The following SLCO5A1 variants were observed in gnomAD, a reference collection of about 807,000 sequenced individuals.
SLCO5A1 encodes the protein solute carrier organic anion transporter family member 5A1.
In SLCO5A1, 39 loss-of-function variants were observed where a neutral mutation model predicts 65.1. That is an observed-to-expected ratio of 0.60 (90% CI 0.46 to 0.78). The LOEUF (loss-of-function observed/expected upper bound fraction) is 0.78. SLCO5A1 is among the 30% of genes least tolerant of loss of function. The pLI, the probability that SLCO5A1 is intolerant of heterozygous loss-of-function variation, is 0.00. For missense variants in SLCO5A1, 1,029 were observed against 1,069.4 expected (o/e 0.96, Z 0.53); for synonymous variants, 438 against 415.7 (o/e 1.05, Z -0.65).
intron 4 of SLCO5A1, among the ~76,000 whole-genome samples, chr8:69,749,884 A>G (rs1817212696): frequency 6.6e-6 from 1 of 152,132 alleles, no homozygotes. Flanking sequence ...GAAGCCTTGA[A>G]GGAGAGGTCA....
chr8:69,793,702 C>T (rs1310019465), intron 2 of SLCO5A1, among the ~76,000 whole-genome samples: 2 of 151,872 alleles, frequency 1.3e-5, no homozygotes, highest in Non-Finnish European at 2.9e-5. Context: ...CACTTGAACC[C>T]AGGAGACAGA....
At chr8:69,690,427 A>G (rs547479786) in intron 6 of SLCO5A1, among the ~76,000 whole-genome samples, 1 of 152,328 alleles carries the variant, frequency 6.6e-6, no homozygotes, top group Admixed American at 6.5e-5. Flanking sequence ...AAAAACTCTT[A>G]AGTAGATTAA....
At chr8:69,826,971 A>G (rs539176285) in intron 2 of SLCO5A1, among the ~76,000 whole-genome samples, 1 of 152,194 alleles carries the variant, frequency 6.6e-6, no homozygotes, top group African/African-American at 2.4e-5. Context: ...GCAGCCATAT[A>G]AAATGATGAG....
At chr8:69,712,463 G>A (rs1488720357) in intron 5 of SLCO5A1, among the ~76,000 whole-genome samples, 1 of 152,068 alleles carries the variant, frequency 6.6e-6, no homozygotes, top group Non-Finnish European at 1.5e-5. Flanking sequence ...ATTGTAAATA[G>A]ACACAGAAAA....
chr8:69,705,128 T>A lies in SLCO5A1; in HGVS notation c.1525A>T (p.Ile509Phe), dbSNP rs748812078. The stretch of plus-strand genomic sequence containing the variant: ...CATAGTAAAGACACACCACTGCAGA[T>A]CATTGCTAGTTTTGCAGATTCTCTG... ...GARESAKLAM[I>F]CSGVSLLCFS... The change falls in exon 6 of 10, where the codon ATC becomes TTC. Residue 509 changes from isoleucine to phenylalanine, a missense_variant. By Grantham distance (21) the Ile-to-Phe change is conservative. Coordinates refer to ENST00000260126, the MANE Select transcript of SLCO5A1 (RefSeq NM_030958.3). The A allele has an allele frequency of 6.2e-7, 1 of 1,614,164 alleles. No individual in the cohort carries two copies. Among genetic ancestry groups the A allele is most frequent in the East Asian group, 2.2e-5 (1 of 44,878 alleles).
At chr8:69,703,409 G>A (rs529937939) in intron 6 of SLCO5A1, among the ~76,000 whole-genome samples, 67 of 152,192 alleles carry the variant, frequency 4.4e-4, no homozygotes, top group African/African-American at 1.4e-3. Flanking sequence ...AACTGGGCAC[G>A]GTGCCATATG....
rs1821160656 is a variant in SLCO5A1, at chr8:69,831,756, G to T, written c.907+11C>A. ...GAGTGAAACATATCTGAGAGAACAG[G>T]AAAGTCTTACCTAGGTACAAGGAGG... On this transcript the variant is annotated intron_variant, in intron 2 of 9. Coordinates refer to ENST00000260126, the MANE Select transcript of SLCO5A1 (RefSeq NM_030958.3). 1.2e-6 allele frequency: 2 copies of T among 1,606,924 alleles called. No homozygotes were observed. The highest frequency in any genetic ancestry group is 2.2e-5 in the East Asian group (1 of 44,866).
chr8:69,798,263 T>A (rs1307350231), intron 2 of SLCO5A1, among the ~76,000 whole-genome samples: 3 of 152,168 alleles, frequency 2.0e-5, no homozygotes, highest in Admixed American at 6.5e-5. Flanking sequence ...TGTATGGCAA[T>A]GCCCCACTCC....
At chr8:69,783,827 G>C (rs554770041) in intron 2 of SLCO5A1, among the ~76,000 whole-genome samples, 16 of 152,230 alleles carry the variant, frequency 1.1e-4, no homozygotes, top group African/African-American at 3.6e-4. Flanking sequence ...TTGCGGTGGA[G>C]ATACATCATT....
Position 69,781,958 on chromosome 8 carries a change from A to G in SLCO5A1, c.908-20083T>C, listed in dbSNP as rs150122522. On this transcript the variant is annotated intron_variant, in intron 2 of 9. Transcript: ENST00000260126. ...AGGCATGAGCCACTGCGCCCGGCCT[A>G]TTATCCTAACTTAAAGAATTTTTCT... Among the ~76,000 whole-genome samples, 30 of 152,260 alleles carry G rather than the reference A, an allele frequency of 2.0e-4. No homozygotes were observed. In the East Asian group the frequency reaches 5.6e-3, roughly 28 times the overall value.
At chr8:69,732,516 T>A (rs913129537) in intron 5 of SLCO5A1, among the ~76,000 whole-genome samples, 1 of 152,034 alleles carries the variant, frequency 6.6e-6, no homozygotes. Flanking sequence ...GTGAAAAAAA[T>A]AAATCGAAAT....
intron 2 of SLCO5A1, among the ~76,000 whole-genome samples, chr8:69,775,735 T>C (rs921068364): frequency 6.6e-6 from 1 of 152,038 alleles, no homozygotes; most frequent in Non-Finnish European, 1.5e-5. Flanking sequence ...AAGCTGCAGC[T>C]GGACACAGTG....
intron 2 of SLCO5A1, among the ~76,000 whole-genome samples, chr8:69,809,267 C>G (rs1820128291): frequency 6.6e-6 from 1 of 152,150 alleles, no homozygotes; most frequent in Non-Finnish European, 1.5e-5. Flanking sequence ...ATTGAACCAG[C>G]ATAATCTGAA....
chr8:69,805,594 A>C (rs992281145), intron 2 of SLCO5A1, among the ~76,000 whole-genome samples: 2 of 152,206 alleles, frequency 1.3e-5, no homozygotes, highest in African/African-American at 4.8e-5. Context: ...ACTTTTATGG[A>C]ATTCCAAACA....
intron 5 of SLCO5A1, among the ~76,000 whole-genome samples, chr8:69,710,933 C>T (rs1815213968): frequency 6.6e-6 from 1 of 152,024 alleles, no homozygotes; most frequent in Non-Finnish European, 1.5e-5. Context: ...GAGAAAGATC[C>T]GAAGTTTGCT....
intron 2 of SLCO5A1, among the ~76,000 whole-genome samples, chr8:69,798,542 CATG>C (rs1819599252): frequency 6.6e-6 from 1 of 152,156 alleles, no homozygotes; most frequent in Admixed American, 6.5e-5. Context: ...AACCAGATCT[CATG>C]ATAACTCACC....
chr8:69,817,897 C>A (rs935893267), intron 2 of SLCO5A1, among the ~76,000 whole-genome samples: 1 of 152,136 alleles, frequency 6.6e-6, no homozygotes, highest in Non-Finnish European at 1.5e-5. Flanking sequence ...GATTTGATTG[C>A]TTTTTCCCCA....
intron 2 of SLCO5A1, among the ~76,000 whole-genome samples, chr8:69,811,259 T>G (rs1325167896): frequency 1.3e-5 from 2 of 152,146 alleles, no homozygotes; most frequent in Non-Finnish European, 2.9e-5. Context: ...TGGGGCTACC[T>G]CCCTACGCTC....
At chr8:69,826,214 G>C (rs1468605616) in intron 2 of SLCO5A1, among the ~76,000 whole-genome samples, 10 of 151,936 alleles carry the variant, frequency 6.6e-5, no homozygotes, top group South Asian at 4.2e-4. Flanking sequence ...CAGGACATAG[G>C]CATGGGCAAG....
Sources: gnomAD v4.1 joint callset for allele counts (sites outside exome capture counted in the v4.1 genomes callset) on GRCh38, gnomAD v4.1.1 for gene constraint, MANE v1.5 for transcripts, NCBI Gene and HGNC (gene_info 2026-07-23, HGNC 2026-07-21) for gene names.